SAMD4A: variants seen among roughly 807,000 people sequenced by gnomAD.
The protein encoded by SAMD4A is protein Smaug homolog 1.
SAMD4A carries 33 observed loss-of-function variants against 81.3 expected under a neutral mutation model. That is an observed-to-expected ratio of 0.41 (90% confidence interval 0.31 to 0.54). The LOEUF (loss-of-function observed/expected upper bound fraction) is 0.54, where lower values mean the gene tolerates loss of function less well. Among genes scored for constraint, SAMD4A ranks in the 20% least tolerant of loss-of-function variants. SAMD4A has a pLI of 0.37. For missense variants in SAMD4A, 854 were observed against 951.1 expected, an observed-to-expected ratio of 0.90 and a Z score of 1.34; for synonymous variants, 389 against 382.1, an observed-to-expected ratio of 1.02 and a Z score of -0.21.
chr14:54,712,417 C>T (rs1346997257), intron 3 of SAMD4A, among the ~76,000 whole-genome samples: 2 of 152,144 alleles, frequency 1.3e-5, no homozygotes, highest in African/African-American at 4.8e-5. Context: ...GCATTTATAA[C>T]AGCTGGCATG....
At chr14:54,777,309 G>T (rs1389424164) in intron 11 of SAMD4A, among the ~76,000 whole-genome samples, 2 of 152,140 alleles carry the variant, frequency 1.3e-5, no homozygotes, top group African/African-American at 4.8e-5. Context: ...ATCTGTAGGA[G>T]TTTAAAGAAG....
intron 2 of SAMD4A, chr14:54,693,016 C>T (rs74049567): frequency 1.3e-5 from 2 of 151,918 alleles, no homozygotes; most frequent in Admixed American, 6.6e-5. Context: ...ATCCTTTTCA[C>T]GAAGATTACT....
At chr14:54,777,500 G>T (rs1296166082) in intron 11 of SAMD4A, among the ~76,000 whole-genome samples, 1 of 152,218 alleles carries the variant, frequency 6.6e-6, no homozygotes, top group Middle Eastern at 3.2e-3. Flanking sequence ...GGGCCAAAGG[G>T]TCTGGCTGAG....
intron 2 of SAMD4A, among the ~76,000 whole-genome samples, chr14:54,626,748 A>G (rs1335905939): frequency 6.6e-6 from 1 of 152,188 alleles, no homozygotes; most frequent in Non-Finnish European, 1.5e-5. Flanking sequence ...TCTGTTCAAC[A>G]CATCTGGATT....
chr14:54,603,436 A>G (rs1177667690), intron 2 of SAMD4A, among the ~76,000 whole-genome samples: 2 of 152,248 alleles, frequency 1.3e-5, no homozygotes, highest in Non-Finnish European at 2.9e-5. Flanking sequence ...TGACTCAACA[A>G]TAGCTACCTC....
intron 2 of SAMD4A, among the ~76,000 whole-genome samples, chr14:54,577,693 C>T (rs530068571): frequency 2.6e-5 from 4 of 152,310 alleles, no homozygotes; most frequent in East Asian, 1.9e-4. Flanking sequence ...TGCTACCAGT[C>T]GCACTCTCCC....
At chr14:54,612,824 GA>G (rs1393192489) in intron 2 of SAMD4A, among the ~76,000 whole-genome samples, 1 of 152,054 alleles carries the variant, frequency 6.6e-6, no homozygotes, top group Non-Finnish European at 1.5e-5. Flanking sequence ...ATTCCTCAGA[GA>G]AAGTGAAAGC....
Position 54,737,134 on chromosome 14 carries a change from T to C in SAMD4A, c.826T>C (p.Leu276=). The change falls in exon 4 of 13, where the codon TTA becomes CTA. Residue 276 remains leucine, a synonymous_variant. Transcript: ENST00000554335. The part of the protein sequence containing the change: ...LGHGWMSHED[L]RARGPQCLPS... ...ACATGGATGGATGTCTCATGAGGACTTACGAGCTAGAGGACCCCAGTGCCT... is the reference window on the plus strand; with the variant it reads ...ACATGGATGGATGTCTCATGAGGACCTACGAGCTAGAGGACCCCAGTGCCT... 1.2e-6 allele frequency: 2 copies of C among 1,614,166 alleles called. No homozygotes were observed. The highest frequency in any genetic ancestry group is 8.5e-7 in the Non-Finnish European group (1 of 1,180,020).
At chr14:54,779,151 C>T (rs1435421844) in intron 11 of SAMD4A, among the ~76,000 whole-genome samples, 2 of 152,220 alleles carry the variant, frequency 1.3e-5, no homozygotes, top group African/African-American at 4.8e-5. Flanking sequence ...ATGGGCCTTT[C>T]CACACAAAGC....
chr14:54,580,750 G>A (rs941566040), intron 2 of SAMD4A, among the ~76,000 whole-genome samples: 4 of 152,194 alleles, frequency 2.6e-5, no homozygotes, highest in African/African-American at 7.2e-5. Context: ...AGGTACTGGT[G>A]TTGTTCACTA....
intron 2 of SAMD4A, among the ~76,000 whole-genome samples, chr14:54,684,066 C>G (rs1333179610): frequency 6.6e-6 from 1 of 152,192 alleles, no homozygotes; most frequent in African/African-American, 2.4e-5. Flanking sequence ...TGTGGTTATT[C>G]TAACTAGTAA....
At chr14:54,737,543 T>TCTC (rs1555349186) in intron 4 of SAMD4A, among the ~76,000 whole-genome samples, 5 of 110,570 alleles carry the variant, frequency 4.5e-5, no homozygotes, top group Non-Finnish European at 7.2e-5. Context: ...TCTCTCTCTC[T>TCTC]TTTTTTTTTT....
At chr14:54,576,622 C>G (rs1056920796) in intron 2 of SAMD4A, among the ~76,000 whole-genome samples, 11 of 152,172 alleles carry the variant, frequency 7.2e-5, no homozygotes, top group Admixed American at 2.0e-4. Context: ...ATGCCATTTC[C>G]TATCTGATGG....
At chr14:54,739,970 GA>G (rs2037805573) in intron 4 of SAMD4A, among the ~76,000 whole-genome samples, 1 of 152,210 alleles carries the variant, frequency 6.6e-6, no homozygotes, top group African/African-American at 2.4e-5. Flanking sequence ...AGGAATTCGA[GA>G]CCAGCCTGGC....
chr14:54,632,508 C>G lies in SAMD4A; in HGVS notation c.196+64396C>G, dbSNP rs559295818. 4.6e-5 allele frequency among the ~76,000 whole-genome samples: 7 copies of G among 152,288 alleles called. No individual in the cohort carries two copies. In the East Asian group the frequency reaches 1.4e-3, roughly 29 times the overall value. On this transcript the variant is annotated intron_variant, in intron 2 of 12. Coordinates refer to ENST00000554335, the MANE Select transcript of SAMD4A (RefSeq NM_015589.6). ...CTTTGCATAGAAGTATGCAAACATACACATTTGTGTTCTTAAAAACACCCC... is the reference window on the plus strand; with the variant it reads ...CTTTGCATAGAAGTATGCAAACATAGACATTTGTGTTCTTAAAAACACCCC...
intron 4 of SAMD4A, among the ~76,000 whole-genome samples, chr14:54,737,578 T>C (rs2037732329): frequency 6.8e-6 from 1 of 147,156 alleles, no homozygotes; most frequent in African/African-American, 2.6e-5. Flanking sequence ...CAGTGACTTG[T>C]AGACCATTAA....
intron 2 of SAMD4A, among the ~76,000 whole-genome samples, chr14:54,571,039 A>T (rs2033114118): frequency 6.6e-6 from 1 of 152,238 alleles, no homozygotes; most frequent in African/African-American, 2.4e-5. Flanking sequence ...TAATAAAAAA[A>T]AATTACTAGT....
chr14:54,750,465 A>G (rs1457862224), intron 5 of SAMD4A, among the ~76,000 whole-genome samples: 3 of 152,228 alleles, frequency 2.0e-5, no homozygotes, highest in African/African-American at 4.8e-5. Flanking sequence ...ATTATCAACA[A>G]CTATTTAAGT....
intron 2 of SAMD4A, among the ~76,000 whole-genome samples, chr14:54,660,229 A>C (rs1481764386): frequency 1.3e-5 from 2 of 152,052 alleles, no homozygotes; most frequent in African/African-American, 4.8e-5. Context: ...TTTCATCCTC[A>C]TAGGAACATG....
Sources: allele counts gnomAD v4.1 joint callset (sites outside exome capture counted in the v4.1 genomes callset), GRCh38; gene constraint gnomAD v4.1.1; transcripts MANE v1.5; gene names NCBI Gene and HGNC (gene_info 2026-07-23, HGNC 2026-07-21).